Variants in AHI1 observed in about 807,000 individuals in gnomAD.
AHI1 encodes Abelson helper integration site 1.
A neutral mutation model predicts 149.3 loss-of-function variants in AHI1; 123 were observed. The observed-to-expected ratio is 0.82, with a 90% confidence interval of 0.71 to 0.96. The LOEUF (loss-of-function observed/expected upper bound fraction) is 0.96. Among genes scored for constraint, AHI1 ranks in the 40% least tolerant of loss-of-function variants. The pLI, the probability that AHI1 is intolerant of heterozygous loss-of-function variation, is 0.00. For synonymous variants in AHI1, 475 were observed against 459.8 expected (o/e 1.03, Z -0.42); for missense variants, 1,439 against 1,422.7 (o/e 1.01, Z -0.18).
intron 24 of AHI1, among the ~76,000 whole-genome samples, chr6:135,337,736 G>C (rs1206974202): frequency 2.1e-5 from 3 of 140,408 alleles, no homozygotes; most frequent in Non-Finnish European, 4.5e-5. Flanking sequence ...CTGCACTCCA[G>C]CCTGGGTTAC....
chr6:135,448,521 A>G (rs1291309914), intron 11 of AHI1, 46 bp from the exon 12 acceptor site: 1 of 1,324,688 alleles, frequency 7.5e-7, no homozygotes, highest in Admixed American at 2.2e-5. Context: ...TTGAAAATAA[A>G]TATATCCAAT....
At chr6:135,356,904 T>G (rs1793058501) in intron 24 of AHI1, among the ~76,000 whole-genome samples, 1 of 152,160 alleles carries the variant, frequency 6.6e-6, no homozygotes, top group African/African-American at 2.4e-5. Flanking sequence ...GAGGCATATA[T>G]TAATCATCAA....
At chr6:135,347,913 C>A (rs1317632963) in intron 24 of AHI1, among the ~76,000 whole-genome samples, 1 of 152,190 alleles carries the variant, frequency 6.6e-6, no homozygotes, top group Admixed American at 6.5e-5. Context: ...GAGATTCTGA[C>A]AAGAAAACTT....
chr6:135,401,366 A>T (rs1402247458), intron 22 of AHI1, among the ~76,000 whole-genome samples: 1 of 152,214 alleles, frequency 6.6e-6, no homozygotes, highest in East Asian at 1.9e-4. Context: ...AGCACTTAGA[A>T]AAATACTTGG....
chr6:135,376,650 A>C (rs554242481), intron 23 of AHI1, among the ~76,000 whole-genome samples: 100 of 152,044 alleles, frequency 6.6e-4, no homozygotes, highest in Middle Eastern at 3.4e-3. Flanking sequence ...TTGGGAGGCC[A>C]AGGTGGGCAG....
chr6:135,322,111 C>A lies in AHI1; in HGVS notation c.3328+1051G>T, dbSNP rs377665301. Among the ~76,000 whole-genome samples, 69 of 152,286 alleles carry A rather than the reference C, an allele frequency of 4.5e-4. 1 individual carries two copies. The South Asian group carries it at 0.013, about 29-fold the overall frequency. On this transcript the variant is annotated intron_variant, in intron 25 of 28. Coordinates refer to ENST00000265602, the MANE Select transcript of AHI1 (RefSeq NM_001134831.2). ...AGCCACAGTGCCTGGCCCGCCTATA[C>A]TACATTTTGAATCAGAACCAGAATT... is the stretch of plus-strand genomic sequence containing the variant.
At chr6:135,388,672 G>A (rs1777966630) in intron 23 of AHI1, among the ~76,000 whole-genome samples, 1 of 152,000 alleles carries the variant, frequency 6.6e-6, no homozygotes, top group Non-Finnish European at 1.5e-5. Flanking sequence ...GCTGGTCAAG[G>A]GAATGTAAGT....
chr6:135,441,865 A>G (rs1786351376), intron 14 of AHI1, among the ~76,000 whole-genome samples: 1 of 152,112 alleles, frequency 6.6e-6, no homozygotes, highest in Non-Finnish European at 1.5e-5. Context: ...AATGCCAATC[A>G]AGTCAATTAT....
intron 20 of AHI1, among the ~76,000 whole-genome samples, chr6:135,419,839 G>T (rs1289828451): frequency 6.6e-6 from 1 of 152,038 alleles, no homozygotes; most frequent in Non-Finnish European, 1.5e-5. Flanking sequence ...GATGCTATTT[G>T]ATAGCATTTT....
intron 5 of AHI1, among the ~76,000 whole-genome samples, chr6:135,475,879 G>A (rs1000309315): frequency 6.6e-6 from 1 of 152,046 alleles, no homozygotes; most frequent in East Asian, 1.9e-4. Flanking sequence ...CAAGCCCGGG[G>A]GTGGCCATGG....
At position 135,401,698 on chromosome 6, in the gene AHI1, T is replaced by A. The variant is rs546259938; in HGVS notation, c.2988+3253A>T. Reference sequence around the variant, plus strand: ...ATATACAAAAATTAATGCAAAATAATCACAGACCTGAATGTAAGATTTAAA... The same window carrying A: ...ATATACAAAAATTAATGCAAAATAAACACAGACCTGAATGTAAGATTTAAA... On this transcript the variant is annotated intron_variant, in intron 22 of 28. Transcript: ENST00000265602. Among the ~76,000 whole-genome samples the A allele has an allele frequency of 4.9e-4, 75 of 152,204 alleles. No homozygotes were observed. In the South Asian group the frequency reaches 9.7e-3, roughly 20 times the overall value.
intron 23 of AHI1, among the ~76,000 whole-genome samples, chr6:135,393,214 C>A (rs1778763075): frequency 6.6e-6 from 1 of 151,884 alleles, no homozygotes; most frequent in Non-Finnish European, 1.5e-5. Context: ...CAGTGGTAAT[C>A]CTTCTTCCCA....
intron 24 of AHI1, among the ~76,000 whole-genome samples, chr6:135,340,665 A>ATATATATATG (rs1554283205): frequency 1.9e-5 from 2 of 107,818 alleles, no homozygotes; most frequent in East Asian, 2.3e-4. Context: ...ATACATATAT[A>ATATATATATG]TATATATATA....
At chr6:135,459,740 T>TAAAAAAAAAAAAAAAAAAAAG (rs58235668) in intron 8 of AHI1, among the ~76,000 whole-genome samples, 1 of 118,554 alleles carries the variant, frequency 8.4e-6, no homozygotes, top group Non-Finnish European at 1.7e-5. Flanking sequence ...CTGACAGAAG[T>TAAAAAAAAAAAAAAAAAAAAG]AAAAAAAAAA....
intron 24 of AHI1, among the ~76,000 whole-genome samples, chr6:135,330,930 ATTAGATTTTATTATTTC>A (rs1788496611): frequency 6.6e-6 from 1 of 152,234 alleles, no homozygotes; most frequent in African/African-American, 2.4e-5. Context: ...CCTATGTCCA[ATTAGATTTTATTATTTC>A]AATATTTTAT....
chr6:135,484,811 T>C (rs1474266658), intron 5 of AHI1, among the ~76,000 whole-genome samples: 2 of 152,100 alleles, frequency 1.3e-5, no homozygotes, highest in South Asian at 2.1e-4. Context: ...CAAATACTTA[T>C]TGAGTCTTCT....
rs117116197 is a variant in AHI1, at chr6:135,325,711, A to C, written c.3166-2387T>G. The stretch of plus-strand genomic sequence containing the variant: ...TTCTTTCTCTTCCCCTAGTTCCAGG[A>C]AACTCTGTGATGGTTTGTTCCTGTT... On this transcript the variant is annotated intron_variant, in intron 24 of 28. Coordinates refer to ENST00000265602, the MANE Select transcript of AHI1 (RefSeq NM_001134831.2). Among the ~76,000 whole-genome samples the C allele has an allele frequency of 7.8e-3, 1,182 of 152,302 alleles. 10 individuals carry two copies. The highest frequency in any genetic ancestry group is 0.02 in the South Asian group (96 of 4,822).
At chr6:135,470,831 T>C (rs1410508293) in intron 5 of AHI1, among the ~76,000 whole-genome samples, 7 of 151,968 alleles carry the variant, frequency 4.6e-5, no homozygotes, top group African/African-American at 1.7e-4. Context: ...AGCTAATGCA[T>C]GTGTGGCTTA....
chr6:135,323,474 G>A, intron 24 of AHI1, 150 bp from the exon 25 acceptor site: 1 of 669,614 alleles, frequency 1.5e-6, no homozygotes, highest in African/African-American at 1.8e-5. Context: ...AATGGGATGA[G>A]GGGTGGTGGG....
Sources: allele counts gnomAD v4.1 joint callset (sites outside exome capture counted in the v4.1 genomes callset), GRCh38; gene constraint gnomAD v4.1.1; transcripts MANE v1.5; gene names NCBI Gene and HGNC (gene_info 2026-07-23, HGNC 2026-07-21).